STKLD1: variants seen among roughly 807,000 people sequenced by gnomAD.
STKLD1 encodes the protein serine/threonine kinase like domain containing 1, also known as serine/threonine kinase-like domain-containing protein STKLD1.
STKLD1 carries 79 observed loss-of-function variants against 80.4 expected under a neutral mutation model. The ratio of observed to expected loss-of-function variants is 0.98; its 90% CI spans 0.82 to 1.19. The LOEUF is 1.19. Among genes scored for constraint, STKLD1 ranks in the 50% most tolerant of loss-of-function variants. The probability of loss-of-function intolerance (pLI) is 0.00; values close to 1 mark genes in which losing one functional copy is unlikely to be tolerated. For synonymous variants in STKLD1, 393 were observed against 357.6 expected, an observed-to-expected ratio of 1.10 and a Z score of -1.12; for missense variants, 841 against 856.0, an observed-to-expected ratio of 0.98 and a Z score of 0.22.
intron 16 of STKLD1, 56 bp from the exon 17 acceptor site, chr9:133,404,733 G>C: frequency 6.3e-7 from 1 of 1,593,748 alleles, no homozygotes; most frequent in Admixed American, 1.8e-5. Flanking sequence ...CTGGGCAGAA[G>C]GCTCTTCCCT....
At chr9:133,381,450 CT>C (rs1248786226) in intron 2 of STKLD1, among the ~76,000 whole-genome samples, 1,167 of 91,154 alleles carry the variant, frequency 0.013, 15 homozygotes, top group African/African-American at 0.032. Context: ...CACCCAGCCG[CT>C]TTTTTTTTTT....
In STKLD1 at chr9:133,394,541, T is replaced by C. The variant is rs28591209; in HGVS notation, c.702+132T>C. ...GCTCTCTGCAGGCTGCACAGAGCCC[T>C]CTTCTCCACCTGCGAGGGGCCTGCC... is the stretch of plus-strand genomic sequence containing the variant. On this transcript the variant is annotated intron_variant, in intron 8 of 17. Transcript: ENST00000371957. The surrounding 1 kb of genome is among the most constrained non-coding windows in gnomAD (Gnocchi z 4.9). 61,121 of 708,046 alleles carry C rather than the reference T, an allele frequency of 0.086. 3,473 individuals carry two copies. Among genetic ancestry groups the C allele is most frequent in the African/African-American group, 0.22 (12,367 of 56,926 alleles). 43.9% of individuals were successfully genotyped at this position (708,046 alleles called of 1,614,324 possible). A position where few individuals can be genotyped will look rare whatever the true frequency, so the allele number is the denominator to read the frequency against.
Position 133,385,750 on chromosome 9 carries a change from C to A in STKLD1, c.294+59C>A. On this transcript the variant is annotated intron_variant, in intron 4 of 17. Coordinates refer to ENST00000371957, the MANE Select transcript of STKLD1 (RefSeq NM_153710.5). This position sits in a 1 kb window ranked among gnomAD's most constrained non-coding sequence, Gnocchi z 4.9. The stretch of plus-strand genomic sequence containing the variant: ...CCACGCAGTGGGCTGCAGGACCAAG[C>A]AGACTGAGCCCAGAGCACGCCCACC... 6.6e-7 allele frequency: 1 copy of A among 1,516,998 alleles called. No individual in the cohort carries two copies. Among genetic ancestry groups the A allele is most frequent in the Non-Finnish European group, 9.1e-7 (1 of 1,096,238 alleles). 94.0% of individuals were successfully genotyped at this position (1,516,998 alleles called of 1,614,324 possible). A position where few individuals can be genotyped will look rare whatever the true frequency, so the allele number is the denominator to read the frequency against.
chr9:133,403,854 C>G, intron 15 of STKLD1, 26 bp downstream of exon 15: 1 of 1,612,600 alleles, frequency 6.2e-7, no homozygotes, highest in African/African-American at 1.3e-5. Flanking sequence ...GCCCTGGGCC[C>G]CTGGGGCTGG....
rs781931368 is a variant in STKLD1, at chr9:133,394,422, C to G, written c.702+13C>G. 6.3e-7 allele frequency: 1 copy of G among 1,576,142 alleles called. No individual in the cohort carries two copies. Among genetic ancestry groups the G allele is most frequent in the South Asian group, 1.1e-5 (1 of 90,342 alleles). ...CTCCTTCATGGATGTGAGCCGCCCT[C>G]CCTCCCCCACACCCCACATGCTGTT... On this transcript the variant is annotated intron_variant, in intron 8 of 17. Coordinates refer to ENST00000371957, the MANE Select transcript of STKLD1 (RefSeq NM_153710.5). This position sits in a 1 kb window ranked among gnomAD's most constrained non-coding sequence, Gnocchi z 4.9.
intron 2 of STKLD1, among the ~76,000 whole-genome samples, chr9:133,380,210 T>C (rs1838099083): frequency 6.6e-6 from 1 of 152,138 alleles, no homozygotes; most frequent in African/African-American, 2.4e-5. Flanking sequence ...TAATTTTTTG[T>C]ATTTTAGTAG....
At position 133,393,463 on chromosome 9, in the gene STKLD1, ATGGT is replaced by A. The variant is rs1323025937; in HGVS notation, c.584-824_584-821del. The stretch of plus-strand genomic sequence containing the variant: ...GGGTGAGTGCATGGGTTGTGGATGG[ATGGT>A]TGGGTGGGTAGATGGATGGGTGGGT... On this transcript the variant is annotated intron_variant, in intron 7 of 17. Coordinates refer to ENST00000371957, the MANE Select transcript of STKLD1 (RefSeq NM_153710.5). 6.3e-4 allele frequency among the ~76,000 whole-genome samples: 72 copies of A among 113,532 alleles called. No homozygotes were observed. The Middle Eastern group carries it at 0.029, about 45-fold the overall frequency. 74.5% of individuals were successfully genotyped at this position (113,532 alleles called of 152,430 possible). A position where few individuals can be genotyped will look rare whatever the true frequency, so the allele number is the denominator to read the frequency against.
At position 133,394,080 on chromosome 9, in the gene STKLD1, G is replaced by C; in HGVS notation, c.584-211G>C. 2 of 585,646 alleles carry C rather than the reference G, an allele frequency of 3.4e-6. No homozygotes were observed. The highest frequency in any genetic ancestry group is 6.1e-6 in the Non-Finnish European group (2 of 325,328). The allele number at this position is 585,646 out of a possible 1,614,324, so 36.3% of individuals were successfully genotyped here. On this transcript the variant is annotated intron_variant, in intron 7 of 17. Coordinates refer to ENST00000371957, the MANE Select transcript of STKLD1 (RefSeq NM_153710.5). This position sits in a 1 kb window ranked among gnomAD's most constrained non-coding sequence, Gnocchi z 4.9. ...AAGATGGACAGCTTCAGTGGCTCCA[G>C]ATCAACACAAAGCTCCCGCTGATTG...
At position 133,397,988 on chromosome 9, in the gene STKLD1, C is replaced by A. The variant is rs1554776991; in HGVS notation, c.1014C>A (p.Phe338Leu). ...TCCCTGCAGAGGTCATGCAGAAATT[C>A]TCTGGCTGGCCCGAAGTCCAGCTCA... Reference protein sequence around the residue: ...VASILEVMQKFSGWPEVQLRA... With the variant: ...VASILEVMQKLSGWPEVQLRA... The change falls in exon 11 of 18, where the codon TTC (phenylalanine) becomes TTA (leucine). Residue 338 changes from phenylalanine to leucine, a missense_variant. Transcript: ENST00000371957. 3.1e-6 allele frequency: 5 copies of A among 1,613,560 alleles called. No homozygotes were observed. Among genetic ancestry groups the A allele is most frequent in the Non-Finnish European group, 4.2e-6 (5 of 1,179,878 alleles).
intron 16 of STKLD1, 27 bp downstream of exon 16, chr9:133,404,075 C>T: frequency 6.4e-7 from 1 of 1,556,450 alleles, no homozygotes; most frequent in Non-Finnish European, 8.7e-7. Flanking sequence ...GACGAGGCTG[C>T]CACCTAGAGG....
intron 12 of STKLD1, among the ~76,000 whole-genome samples, chr9:133,400,759 A>G (rs1838680916): frequency 6.6e-6 from 1 of 152,170 alleles, no homozygotes; most frequent in African/African-American, 2.4e-5. Flanking sequence ...TTGGCATCTA[A>G]CCACTGGAGA....
rs1427896817 is a variant in STKLD1 at position 133,390,241 on chromosome 9, ACACACACAC to A, written c.468-439_468-431del. Among the ~76,000 whole-genome samples, 2,365 of 114,746 alleles carry A rather than the reference ACACACACAC, an allele frequency of 0.021. 82 individuals carry two copies. The highest frequency in any genetic ancestry group is 0.072 in the African/African-American group (2,153 of 29,966). 75.3% of individuals were successfully genotyped at this position (114,746 alleles called of 152,430 possible). Reference sequence around the variant, plus strand: ...CACACACACACACACACACACACACACACACACACACCACGCAGACCATACGTACAAAGG... The same window carrying A: ...CACACACACACACACACACACACACAACCACGCAGACCATACGTACAAAGG... On this transcript the variant is annotated intron_variant, in intron 6 of 17. Coordinates refer to ENST00000371957, the MANE Select transcript of STKLD1 (RefSeq NM_153710.5). The surrounding 1 kb of genome is among the most constrained non-coding windows in gnomAD (Gnocchi z 5.1).
At position 133,386,741 on chromosome 9, in the gene STKLD1, G is replaced by A. The variant is rs1298538372; in HGVS notation, c.295-706G>A. Among the ~76,000 whole-genome samples, 3 of 152,252 alleles carry A rather than the reference G, an allele frequency of 2.0e-5. No homozygotes were observed. In the East Asian group the frequency reaches 5.8e-4, roughly 29 times the overall value. On this transcript the variant is annotated intron_variant, in intron 4 of 17. Transcript: ENST00000371957. ...CTTTCCAGTCACTTCTGATGGGACTGAGGCAGACAGCGGGAGGCTGAGCAG... is the reference window on the plus strand; with the variant it reads ...CTTTCCAGTCACTTCTGATGGGACTAAGGCAGACAGCGGGAGGCTGAGCAG...
chr9:133,394,500 T>TA lies in STKLD1; in HGVS notation c.702+91_702+92insA. 1.1e-6 allele frequency: 1 copy of TA among 905,454 alleles called. No individual in the cohort carries two copies. Among genetic ancestry groups the TA allele is most frequent in the Admixed American group, 1.7e-5 (1 of 57,826 alleles). The allele number at this position is 905,454 out of a possible 1,614,324, so 56.1% of individuals were successfully genotyped here. On this transcript the variant is annotated intron_variant, in intron 8 of 17. Transcript: ENST00000371957. This position sits in a 1 kb window ranked among gnomAD's most constrained non-coding sequence, Gnocchi z 4.9. ...GCTTGGCCTCACCCTGCCTCCCCTCTGCATCCCTTCCCCTGGCTCTCTGCA... is the reference window on the plus strand; with the variant it reads ...GCTTGGCCTCACCCTGCCTCCCCTCTAGCATCCCTTCCCCTGGCTCTCTGCA...
At position 133,384,413 on chromosome 9, in the gene STKLD1, C is replaced by T. The variant is rs1838219973; in HGVS notation, c.219+513C>T. The T allele has an allele frequency of 6.5e-6, 1 of 153,334 alleles. No homozygotes were observed. Among genetic ancestry groups the T allele is most frequent in the Non-Finnish European group, 1.5e-5 (1 of 68,822 alleles). The allele number at this position is 153,334 out of a possible 1,614,324, so 9.5% of individuals were successfully genotyped here. Reference sequence around the variant, plus strand: ...GCCGAGATTGCACCATTGCATTCCACCCTGGGTGACAGAGCAAAACTTTGT... The same window carrying T: ...GCCGAGATTGCACCATTGCATTCCATCCTGGGTGACAGAGCAAAACTTTGT... On this transcript the variant is annotated intron_variant, in intron 3 of 17. Coordinates refer to ENST00000371957, the MANE Select transcript of STKLD1 (RefSeq NM_153710.5). This position sits in a 1 kb window ranked among gnomAD's most constrained non-coding sequence, Gnocchi z 4.3.
chr9:133,395,098 G>C (rs1588749850), intron 8 of STKLD1, among the ~76,000 whole-genome samples: 1 of 152,174 alleles, frequency 6.6e-6, no homozygotes, highest in Non-Finnish European at 1.5e-5. Context: ...CAGGCACCGA[G>C]GTCCCCAGAA....
chr9:133,403,042 G>C, intron 14 of STKLD1, 30 bp downstream of exon 14: 5 of 1,538,510 alleles, frequency 3.2e-6, no homozygotes, highest in Non-Finnish European at 4.4e-6. Context: ...CTGTCCCACC[G>C]GGGCTGGCAG....
At chr9:133,398,796 T>C (rs914640923) in intron 11 of STKLD1, among the ~76,000 whole-genome samples, 1 of 152,132 alleles carries the variant, frequency 6.6e-6, no homozygotes, top group African/African-American at 2.4e-5. Flanking sequence ...CCAAAAAGAT[T>C]GTTACTGCTC....
At chr9:133,379,492 T>C (rs1838082861) in intron 2 of STKLD1, among the ~76,000 whole-genome samples, 1 of 152,140 alleles carries the variant, frequency 6.6e-6, no homozygotes, top group African/African-American at 2.4e-5. Context: ...TCACACAATT[T>C]CCAAGAGGAT....
Sources: allele counts gnomAD v4.1 joint callset (sites outside exome capture counted in the v4.1 genomes callset), GRCh38; gene constraint gnomAD v4.1.1; non-coding constraint Gnocchi (gnomAD v3.1); transcripts MANE v1.5; gene names NCBI Gene and HGNC (gene_info 2026-07-23, HGNC 2026-07-21).